Variants in ERC1 observed in about 807,000 individuals in gnomAD.
ERC1 encodes the protein ELKS/RAB6-interacting/CAST family member 1.
A neutral mutation model predicts 132.0 loss-of-function variants in ERC1; 56 were observed. The ratio of observed to expected loss-of-function variants is 0.42; its 90% CI spans 0.34 to 0.53. The LOEUF (loss-of-function observed/expected upper bound fraction) is 0.53. Among genes scored for constraint, ERC1 ranks in the 20% least tolerant of loss-of-function variants. ERC1 has a pLI of 0.03. For synonymous variants in ERC1, 478 were observed against 476.1 expected, an observed-to-expected ratio of 1.00 and a Z score of -0.05; for missense variants, 1,202 against 1,349.9, an observed-to-expected ratio of 0.89 and a Z score of 1.72.
At chr12:1,227,706 A>G (rs888950740) in intron 12 of ERC1, among the ~76,000 whole-genome samples, 37 of 152,138 alleles carry the variant, frequency 2.4e-4, no homozygotes, top group African/African-American at 8.7e-4. Flanking sequence ...TTTTGGGGTC[A>G]TGTCCAAAAA....
At chr12:1,410,423 G>A (rs996978861) in intron 17 of ERC1, 4 of 1,324,152 alleles carry the variant, frequency 3.0e-6, no homozygotes, top group Admixed American at 4.3e-5. Flanking sequence ...TAGCCAATCA[G>A]AGGCTTAGTT....
chr12:1,019,265 A>G (rs1592728254), intron 1 of ERC1, among the ~76,000 whole-genome samples: 1 of 152,308 alleles, frequency 6.6e-6, no homozygotes, highest in East Asian at 1.9e-4. Flanking sequence ...TTGGGATTAC[A>G]GGTGTATACC....
chr12:1,354,897 C>T (rs1439451450), intron 15 of ERC1, among the ~76,000 whole-genome samples: 1 of 152,164 alleles, frequency 6.6e-6, no homozygotes, highest in Non-Finnish European at 1.5e-5. Flanking sequence ...CCACCTCAGC[C>T]TCCCAAAATC....
In ERC1 at chr12:1,185,866, A is replaced by G. The variant is rs560176766; in HGVS notation, c.2157+2445A>G. Among the ~76,000 whole-genome samples, 3 of 152,134 alleles carry G rather than the reference A, an allele frequency of 2.0e-5. No homozygotes were observed. In the South Asian group the frequency reaches 6.2e-4, roughly 32 times the overall value. On this transcript the variant is annotated intron_variant, in intron 11 of 18. Transcript: ENST00000360905. The stretch of plus-strand genomic sequence containing the variant: ...ACCTTGTTTTGTTCCTAGTGAGTTA[A>G]TTCATTCAGGACTGCTTCTCTTTGC...
chr12:1,445,123 C>T (rs2093268736), intron 18 of ERC1: 1 of 168,248 alleles, frequency 5.9e-6, no homozygotes, highest in South Asian at 1.7e-4. Flanking sequence ...TACATTCCCT[C>T]ACATACTTTC....
intron 12 of ERC1, among the ~76,000 whole-genome samples, chr12:1,212,543 G>C (rs556470340): frequency 2.4e-4 from 37 of 152,302 alleles, no homozygotes; most frequent in African/African-American, 7.7e-4. Flanking sequence ...TGAAATTGTT[G>C]CAGGAATTTT....
chr12:1,325,932 G>C (rs1384411577), intron 15 of ERC1, among the ~76,000 whole-genome samples: 3 of 152,058 alleles, frequency 2.0e-5, no homozygotes, highest in African/African-American at 7.2e-5. Context: ...AGTCTCTTTA[G>C]TTGGATATTT....
At chr12:1,228,505 A>G (rs1028528522) in intron 12 of ERC1, among the ~76,000 whole-genome samples, 2 of 152,020 alleles carry the variant, frequency 1.3e-5, no homozygotes, top group Non-Finnish European at 2.9e-5. Context: ...TTTATCTTGT[A>G]TTTTCCAGTT....
At position 1,454,235 on chromosome 12, in the gene ERC1, T is replaced by G. The variant is rs140099443; in HGVS notation, c.3213+9485T>G. 4.0e-3 allele frequency among the ~76,000 whole-genome samples: 605 copies of G among 152,294 alleles called. 3 individuals carry two copies. Among genetic ancestry groups the G allele is most frequent in the African/African-American group, 0.014 (567 of 41,554 alleles). Reference sequence around the variant, plus strand: ...AGGTGCCCAGAGAGGTCACGGAAGCTCCACACCCCTCTCCATGTGCCTTGC... The same window carrying G: ...AGGTGCCCAGAGAGGTCACGGAAGCGCCACACCCCTCTCCATGTGCCTTGC... On this transcript the variant is annotated intron_variant, in intron 18 of 18. Coordinates refer to ENST00000360905, the MANE Select transcript of ERC1 (RefSeq NM_178040.4).
At chr12:1,260,575 A>G (rs2077080172) in intron 13 of ERC1, among the ~76,000 whole-genome samples, 1 of 152,216 alleles carries the variant, frequency 6.6e-6, no homozygotes. Flanking sequence ...ATTAAATAGG[A>G]GATTCAAGCT....
intron 15 of ERC1, among the ~76,000 whole-genome samples, chr12:1,329,523 C>G (rs1288247006): frequency 6.6e-6 from 1 of 152,048 alleles, no homozygotes; most frequent in Non-Finnish European, 1.5e-5. Flanking sequence ...CTGAAAGCCT[C>G]ACGAGCAGCC....
chr12:1,421,352 T>G (rs948245722), intron 17 of ERC1, among the ~76,000 whole-genome samples: 1 of 152,140 alleles, frequency 6.6e-6, no homozygotes, highest in African/African-American at 2.4e-5. Flanking sequence ...GGACGAGAGA[T>G]ATTTCTCAAA....
intron 15 of ERC1, among the ~76,000 whole-genome samples, chr12:1,357,614 T>A (rs922675118): frequency 6.6e-6 from 1 of 152,154 alleles, no homozygotes; most frequent in Non-Finnish European, 1.5e-5. Context: ...TAACAACAGG[T>A]GTACCTTAGT....
At chr12:1,473,226 A>G (rs533422373) in intron 18 of ERC1, among the ~76,000 whole-genome samples, 2 of 152,000 alleles carry the variant, frequency 1.3e-5, no homozygotes, top group Non-Finnish European at 2.9e-5. Context: ...ACAGGGTTTC[A>G]CCATGTTGAT....
At chr12:1,469,883 A>G (rs898933432) in intron 18 of ERC1, among the ~76,000 whole-genome samples, 4 of 120,698 alleles carry the variant, frequency 3.3e-5, no homozygotes, top group East Asian at 2.4e-4. Flanking sequence ...ATCCTCCTCA[A>G]TGCCAGCCAA....
At chr12:1,149,227 A>G (rs1324259788) in intron 8 of ERC1, among the ~76,000 whole-genome samples, 3 of 152,156 alleles carry the variant, frequency 2.0e-5, no homozygotes, top group Non-Finnish European at 4.4e-5. Context: ...TTTAGGCAGG[A>G]GTAACAACTT....
intron 2 of ERC1, among the ~76,000 whole-genome samples, chr12:1,056,854 G>T (rs1592995109): frequency 6.6e-6 from 1 of 152,176 alleles, no homozygotes; most frequent in Non-Finnish European, 1.5e-5. Context: ...TGTTAGAAAA[G>T]AAATTCTTTT....
intron 2 of ERC1, among the ~76,000 whole-genome samples, chr12:1,051,081 A>G (rs1329479677): frequency 6.6e-6 from 1 of 152,220 alleles, no homozygotes; most frequent in Non-Finnish European, 1.5e-5. Context: ...ATTCTGATAC[A>G]GATAGTTTTG....
At chr12:1,162,447 G>T (rs1169497928) in intron 8 of ERC1, among the ~76,000 whole-genome samples, 2 of 148,158 alleles carry the variant, frequency 1.3e-5, no homozygotes, top group Admixed American at 6.7e-5. Context: ...TGTAACTTCT[G>T]TTTATTTCGT....
Sources: gnomAD v4.1 joint callset for allele counts (sites outside exome capture counted in the v4.1 genomes callset) on GRCh38, gnomAD v4.1.1 for gene constraint, MANE v1.5 for transcripts, NCBI Gene and HGNC (gene_info 2026-07-23, HGNC 2026-07-21) for gene names.